Variants in PRH1 observed in about 807,000 individuals in gnomAD.
PRH1 encodes the protein salivary acidic proline-rich phosphoprotein 1/2.
A neutral mutation model predicts 7.9 loss-of-function variants in PRH1; 7 were observed. The ratio of observed to expected loss-of-function variants is 0.89; its 90% confidence interval spans 0.50 to 1.67. PRH1 has a LOEUF of 1.67. Ranked by LOEUF, PRH1 falls within the 40% of genes most tolerant of loss-of-function variation. PRH1 has a pLI of 0.00. For missense variants in PRH1, 109 were observed against 223.6 expected, an observed-to-expected ratio of 0.49 and a Z score of 3.27; for synonymous variants, 45 against 80.8, an observed-to-expected ratio of 0.56 and a Z score of 2.38.
intron 1 of PRH1, among the ~76,000 whole-genome samples, chr12:11,019,234 T>C (rs1941462170): frequency 6.6e-6 from 1 of 152,286 alleles, no homozygotes; most frequent in South Asian, 2.1e-4. Flanking sequence ...GTAACCCTTC[T>C]GGAAAAGTAT....
At chr12:11,072,588 C>T (rs1158070054) in intron 1 of PRH1, among the ~76,000 whole-genome samples, 3 of 152,228 alleles carry the variant, frequency 2.0e-5, no homozygotes, top group Non-Finnish European at 4.4e-5. Flanking sequence ...TTGAAAGTTA[C>T]AGGGGATGGT....
chr12:11,029,174 T>C (rs1156451697), intron 1 of PRH1, among the ~76,000 whole-genome samples: 4 of 152,274 alleles, frequency 2.6e-5, no homozygotes, highest in East Asian at 1.9e-4. Flanking sequence ...TTAAATCACA[T>C]TGTTTAAATT....
chr12:10,988,305 G>T (rs1163386006), intron 1 of PRH1, among the ~76,000 whole-genome samples: 1 of 152,090 alleles, frequency 6.6e-6, no homozygotes, highest in African/African-American at 2.4e-5. Flanking sequence ...AAATATATTT[G>T]CCCCTGTTTT....
chr12:11,022,261 A>G (rs567585743), intron 1 of PRH1: 1 of 1,614,210 alleles, frequency 6.2e-7, no homozygotes, highest in South Asian at 1.1e-5. Flanking sequence ...CAAACAAAAT[A>G]TGCTGAGGCT....
intron 1 of PRH1, among the ~76,000 whole-genome samples, chr12:11,044,197 C>CA (rs2136132112): frequency 6.6e-6 from 1 of 152,264 alleles, no homozygotes; most frequent in East Asian, 1.9e-4. Flanking sequence ...TGGAAAAAGA[C>CA]AGTCTCTTCA....
At chr12:11,091,292 T>A in intron 1 of PRH1, 1 of 1,195,530 alleles carries the variant, frequency 8.4e-7, no homozygotes, top group Non-Finnish European at 1.2e-6. Context: ...AATGCCCCTC[T>A]CGTGAATCTA....
At chr12:11,154,464 C>A (rs1947194340) in intron 1 of PRH1, among the ~76,000 whole-genome samples, 1 of 152,122 alleles carries the variant, frequency 6.6e-6, no homozygotes. Context: ...GAGAGGAAAG[C>A]AAGGGATGTA....
intron 2 of PRH1, among the ~76,000 whole-genome samples, chr12:10,950,451 A>T (rs1242482739): frequency 6.6e-6 from 1 of 151,944 alleles, no homozygotes; most frequent in Non-Finnish European, 1.5e-5. Flanking sequence ...TACAATTTAA[A>T]TTCACATTTG....
intron 2 of PRH1, among the ~76,000 whole-genome samples, chr12:10,933,430 T>C (rs987376312): frequency 5.3e-5 from 8 of 151,982 alleles, no homozygotes; most frequent in Non-Finnish European, 1.2e-4. Context: ...CCCAAGTTCT[T>C]GAAAAAAAAT....
At chr12:11,138,049 G>A (rs1946605185) in intron 1 of PRH1, among the ~76,000 whole-genome samples, 1 of 152,012 alleles carries the variant, frequency 6.6e-6, no homozygotes. Context: ...TAAAACCAAT[G>A]TATTTTCAAT....
intron 1 of PRH1, among the ~76,000 whole-genome samples, chr12:11,000,865 T>G (rs1940553456): frequency 6.6e-6 from 1 of 152,152 alleles, no homozygotes; most frequent in Non-Finnish European, 1.5e-5. Context: ...GATTATTTAT[T>G]TTTTGCTATT....
At position 11,127,174 on chromosome 12, in the gene PRH1, AT is replaced by A. The variant is rs1398401407; in HGVS notation, n.40-5995del. On this transcript the variant is annotated intron_variant and non_coding_transcript_variant, in intron 1 of 1. Coordinates refer to the PRH1 transcript ENST00000541175. Reference sequence around the variant, plus strand: ...CAGGATAATTTCCAAAACAGCTCAAATTAACTCCTATTCAAATACTATATGC... The same window carrying A: ...CAGGATAATTTCCAAAACAGCTCAAATAACTCCTATTCAAATACTATATGC... 9.2e-5 allele frequency among the ~76,000 whole-genome samples: 14 copies of A among 152,418 alleles called. No homozygotes were observed. The East Asian group carries it at 2.5e-3, about 27-fold the overall frequency.
At chr12:11,031,466 T>A in intron 1 of PRH1, 2 of 1,039,902 alleles carry the variant, frequency 1.9e-6, no homozygotes, top group Non-Finnish European at 2.7e-6. Context: ...TTGCTGCTCT[T>A]AAAGATGGCA....
chr12:11,034,762 G>C (rs1224503886), intron 1 of PRH1: 2 of 152,348 alleles, frequency 1.3e-5, no homozygotes, highest in African/African-American at 4.8e-5. Flanking sequence ...AAGTTAGTCA[G>C]GCATAGTGAA....
chr12:10,974,148 T>A (rs1482557585), intron 1 of PRH1, among the ~76,000 whole-genome samples: 1 of 152,234 alleles, frequency 6.6e-6, no homozygotes, highest in African/African-American at 2.4e-5. Context: ...TTCAATTAAA[T>A]AAGAATCATT....
intron 1 of PRH1, among the ~76,000 whole-genome samples, chr12:11,149,136 C>T (rs1565705405): frequency 6.6e-6 from 1 of 151,556 alleles, no homozygotes; most frequent in Non-Finnish European, 1.5e-5. Context: ...GGTGATATCC[C>T]CTTTATTATT....
upstream of PRH1, among the ~76,000 whole-genome samples, chr12:11,049,670 T>C (rs1243297272): frequency 1.3e-5 from 2 of 152,158 alleles, no homozygotes; most frequent in Non-Finnish European, 2.9e-5. Context: ...AGTTGTTACA[T>C]AGGGAAATTT....
intron 1 of PRH1, chr12:11,091,454 GGTTT>G (rs771868284): frequency 4.0e-6 from 5 of 1,264,826 alleles, no homozygotes; most frequent in Non-Finnish European, 5.6e-6. Context: ...CATGAAGACA[GGTTT>G]GTTTTCCAGA....
intron 2 of PRH1, among the ~76,000 whole-genome samples, chr12:10,907,351 AT>A (rs1430029970): frequency 1.3e-5 from 2 of 152,194 alleles, no homozygotes; most frequent in East Asian, 3.8e-4. Flanking sequence ...TTGAATGTTC[AT>A]TAACAGGAAA....
Sources: allele counts gnomAD v4.1 joint callset (sites outside exome capture counted in the v4.1 genomes callset), GRCh38; gene constraint gnomAD v4.1.1; transcripts MANE v1.5; gene names NCBI Gene and HGNC (gene_info 2026-07-23, HGNC 2026-07-21).